LPAR5: variants seen among roughly 807,000 people sequenced by gnomAD.
The protein encoded by LPAR5 is G protein-coupled receptor 92.
For missense variants in LPAR5, 544 were observed against 521.8 expected, an observed-to-expected ratio of 1.04 and a Z score of -0.41; for synonymous variants, 271 against 261.6, an observed-to-expected ratio of 1.04 and a Z score of -0.35.
rs1297764147 is a variant in LPAR5 at position 6,620,275 on chromosome 12, G to C, written c.974C>G (p.Thr325Arg). 6.2e-6 allele frequency: 10 copies of C among 1,606,038 alleles called. No homozygotes were observed. The highest frequency in any genetic ancestry group is 8.5e-6 in the Non-Finnish European group (10 of 1,176,370). The part of the protein sequence containing the change: ...HRARTSATNG[T>R]RAALAQSERS... ...TTCGGATTGCGCGAGCGCCGCCCGC[G>C]TCCCGTTGGTGGCCGAGGTCCTGGC... Residue 325 changes from threonine (T) to arginine (R), a missense_variant, in exon 2 of 2, where the codon ACG becomes AGG. Transcript: ENST00000329858. This position sits in a 1 kb window ranked among gnomAD's most constrained non-coding sequence, Gnocchi z 6.8.
rs1394752365 is a variant in LPAR5 at position 6,625,420 on chromosome 12, C to G, written c.-216-3956G>C. 5.2e-5 allele frequency among the ~76,000 whole-genome samples: 6 copies of G among 115,384 alleles called. No homozygotes were observed. The South Asian group carries it at 1.7e-3, about 34-fold the overall frequency. The allele number at this position is 115,384 out of a possible 152,430, so 75.7% of individuals were successfully genotyped here. A position where few individuals can be genotyped will look rare whatever the true frequency, so the allele number is the denominator to read the frequency against. On this transcript the variant is annotated intron_variant, in intron 1 of 1. Coordinates refer to ENST00000329858, the MANE Select transcript of LPAR5 (RefSeq NM_020400.6). ...AGCCTGGGCAACAGAGACTCCGTCT[C>G]AAAAAAAAAAAAAAAAGAGGGCCGG...
chr12:6,620,647 A>T lies in LPAR5; in HGVS notation c.602T>A (p.Leu201Gln). The stretch of plus-strand genomic sequence containing the variant: ...GTAGACCACCGCCGCCAGGGGCAGC[A>T]GGAAGCCCAGCGCCTCGGCCAGCAG... ...LVLLAEALGF[L>Q]LPLAAVVYSS... is the part of the protein sequence containing the mutation. Residue 201 changes from leucine to glutamine, a missense_variant, in exon 2 of 2, where the codon CTG (leucine) becomes CAG (glutamine). Physicochemically the swap from Leu to Gln is moderately radical, Grantham distance 113. Coordinates refer to ENST00000329858, the MANE Select transcript of LPAR5 (RefSeq NM_020400.6). The surrounding 1 kb of genome is among the most constrained non-coding windows in gnomAD (Gnocchi z 6.8). 2 of 1,555,402 alleles carry T rather than the reference A, an allele frequency of 1.3e-6. No homozygotes were observed. Among genetic ancestry groups the T allele is most frequent in the Non-Finnish European group, 1.7e-6 (2 of 1,150,082 alleles).
rs1270427741 is a variant in LPAR5, at chr12:6,619,256, G to A, written c.*874C>T. On this transcript the variant is annotated 3_prime_UTR_variant, in exon 2 of 2. Transcript: ENST00000329858. ...GAGATCCTCAATTTCTAAGAGTGGG[G>A]TCTGAGACCAAAAAGTTTGAGAACC... 5.9e-5 allele frequency: 9 copies of A among 152,276 alleles called. No homozygotes were observed. The highest frequency in any genetic ancestry group is 2.1e-4 in the South Asian group (1 of 4,824). The allele number at this position is 152,276 out of a possible 1,614,324, so 9.4% of individuals were successfully genotyped here.
chr12:6,634,029 T>TA (rs976962784), intron 1 of LPAR5, among the ~76,000 whole-genome samples: 5 of 151,710 alleles, frequency 3.3e-5, no homozygotes, highest in African/African-American at 1.2e-4. Context: ...TTTTTTGAGA[T>TA]AGAGTCTCGC....
intron 1 of LPAR5, among the ~76,000 whole-genome samples, chr12:6,634,099 G>T (rs1324521244): frequency 6.6e-6 from 1 of 151,926 alleles, no homozygotes; most frequent in South Asian, 2.1e-4. Flanking sequence ...TCCGCCTCCC[G>T]GGTTCAAGGG....
rs941621500 is a variant in LPAR5 at position 6,620,721 on chromosome 12, G to A, written c.528C>T (p.Phe176=). Reference sequence around the variant, plus strand: ...TCCACAGCTCGTCGCTGAAGCTCTCGAAGCATAGGCGCACCTCGAGGTCCC... The same window carrying A: ...TCCACAGCTCGTCGCTGAAGCTCTCAAAGCATAGGCGCACCTCGAGGTCCC... The part of the protein sequence containing the change: ...RYRDLEVRLC[F]ESFSDELWKG... Residue 176 remains phenylalanine (F), a synonymous_variant, in exon 2 of 2, where the codon TTC becomes TTT. Coordinates refer to ENST00000329858, the MANE Select transcript of LPAR5 (RefSeq NM_020400.6). The surrounding 1 kb of genome is among the most constrained non-coding windows in gnomAD (Gnocchi z 6.8). 6.9e-6 allele frequency: 11 copies of A among 1,585,618 alleles called. No individual in the cohort carries two copies. In the Admixed American group the frequency reaches 2.0e-4, roughly 28 times the overall value.
chr12:6,625,459 T>A (rs372696539), intron 1 of LPAR5, among the ~76,000 whole-genome samples: 183 of 130,148 alleles, frequency 1.4e-3, no homozygotes, highest in Non-Finnish European at 2.5e-3. Context: ...CGGTGGCTCA[T>A]GCCTGTAATC....
At position 6,620,420 on chromosome 12, in the gene LPAR5, C is replaced by A; in HGVS notation, c.829G>T (p.Gly277Trp). ...AGCAGCACCATCACCATCAGCACCC[C>A]GCGCACGCGATCGCGGGCAGGCACG... ...ASVPARDRVR[G>W]VLMVMVLLAG... Residue 277 changes from glycine (G) to tryptophan (W), a missense_variant, in exon 2 of 2, where the codon GGG becomes TGG. Coordinates refer to ENST00000329858, the MANE Select transcript of LPAR5 (RefSeq NM_020400.6). This position sits in a 1 kb window ranked among gnomAD's most constrained non-coding sequence, Gnocchi z 6.8. 1 of 1,608,068 alleles carries A rather than the reference C, an allele frequency of 6.2e-7. No individual in the cohort carries two copies. Among genetic ancestry groups the A allele is most frequent in the Non-Finnish European group, 8.5e-7 (1 of 1,177,546 alleles).
At chr12:6,627,003 AT>A (rs151237912) in intron 1 of LPAR5, among the ~76,000 whole-genome samples, 2,974 of 152,354 alleles carry the variant, frequency 0.02, 95 homozygotes, top group African/African-American at 0.065. Context: ...AATGTTAAAA[AT>A]AATAGGTATC....
At chr12:6,625,095 G>A (rs1948924244) in intron 1 of LPAR5, among the ~76,000 whole-genome samples, 1 of 152,082 alleles carries the variant, frequency 6.6e-6, no homozygotes, top group Non-Finnish European at 1.5e-5. Context: ...GAGACCCTGA[G>A]CAATTATCCC....
intron 1 of LPAR5, among the ~76,000 whole-genome samples, chr12:6,630,431 ATCTTTTTTTT>A (rs1948973764): frequency 2.5e-5 from 2 of 80,098 alleles, no homozygotes; most frequent in South Asian, 4.0e-4. Flanking sequence ...CACCCAGCCC[ATCTTTTTTTT>A]TTTTTTTTTT....
intron 1 of LPAR5, among the ~76,000 whole-genome samples, chr12:6,624,277 T>C (rs1035297401): frequency 6.6e-6 from 1 of 152,128 alleles, no homozygotes; most frequent in African/African-American, 2.4e-5. Flanking sequence ...TCCATCGCAC[T>C]CCGGCCTGGG....
intron 1 of LPAR5, among the ~76,000 whole-genome samples, chr12:6,624,363 A>T (rs1010832000): frequency 2.0e-5 from 3 of 151,948 alleles, no homozygotes; most frequent in Non-Finnish European, 4.4e-5. Flanking sequence ...AACCGTCACC[A>T]CTCTCTGTTT....
At chr12:6,621,506 C>T (rs1948895917) in intron 1 of LPAR5, 42 bp from the exon 2 acceptor site, 1 of 379,842 alleles carries the variant, frequency 2.6e-6, no homozygotes, top group Non-Finnish European at 4.9e-6. Context: ...AGAGACAGGG[C>T]TGCACACACA....
rs748788177 is a variant in LPAR5 at position 6,621,208 on chromosome 12, G to A, written c.41C>T (p.Pro14Leu). 1.3e-6 allele frequency: 2 copies of A among 1,536,322 alleles called. No homozygotes were observed. The highest frequency in any genetic ancestry group is 1.3e-5 in the South Asian group (1 of 78,268). ...NSSSTNSSVL[P>L]CPDYRPTHRL... ...GTGGGTAGGTCGGTAGTCAGGACACGGGAGAACAGAACTGTTGGTTGAGGA... is the reference window on the plus strand; with the variant it reads ...GTGGGTAGGTCGGTAGTCAGGACACAGGAGAACAGAACTGTTGGTTGAGGA... Residue 14 changes from proline to leucine, a missense_variant, in exon 2 of 2, where the codon CCG (proline) becomes CTG (leucine). By Grantham distance (98) the Pro-to-Leu change is moderately conservative (BLOSUM62 -3). Coordinates refer to ENST00000329858, the MANE Select transcript of LPAR5 (RefSeq NM_020400.6).
chr12:6,632,959 C>T (rs1948989779), intron 1 of LPAR5, among the ~76,000 whole-genome samples: 1 of 152,144 alleles, frequency 6.6e-6, no homozygotes, highest in Non-Finnish European at 1.5e-5. Flanking sequence ...AATTCCTGCT[C>T]CTGCCTTTCC....
intron 1 of LPAR5, among the ~76,000 whole-genome samples, chr12:6,626,401 C>G (rs1017614123): frequency 2.0e-5 from 3 of 152,354 alleles, no homozygotes; most frequent in East Asian, 3.9e-4. Flanking sequence ...GCATGAGCCA[C>G]TGTACCTGGC....
At position 6,620,465 on chromosome 12, in the gene LPAR5, T is replaced by C; in HGVS notation, c.784A>G (p.Ser262Gly). 1 of 1,591,218 alleles carries C rather than the reference T, an allele frequency of 6.3e-7. No individual in the cohort carries two copies. The highest frequency in any genetic ancestry group is 8.6e-7 in the Non-Finnish European group (1 of 1,169,124). ...STLAVYGLLR[S>G]KLVAASVPAR... ...GGCACGCTGGCCGCCACCAGCTTGC[T>C]CCGCAGCAGCCCGTAGACCGCCAGC... The change falls in exon 2 of 2, where the codon AGC (serine) becomes GGC (glycine). Residue 262 changes from serine (S) to glycine (G), a missense_variant. Coordinates refer to ENST00000329858, the MANE Select transcript of LPAR5 (RefSeq NM_020400.6). This position sits in a 1 kb window ranked among gnomAD's most constrained non-coding sequence, Gnocchi z 6.8.
chr12:6,628,554 G>A (rs138928450), intron 1 of LPAR5, among the ~76,000 whole-genome samples: 2,611 of 151,834 alleles, frequency 0.017, 94 homozygotes, highest in African/African-American at 0.06. Flanking sequence ...TCCGCCTCCC[G>A]GGTTCAAGTG....
Sources: gnomAD v4.1 joint callset for allele counts (sites outside exome capture counted in the v4.1 genomes callset) on GRCh38, gnomAD v4.1.1 for gene constraint, Gnocchi (gnomAD v3.1) non-coding constraint, MANE v1.5 for transcripts, NCBI Gene and HGNC (gene_info 2026-07-23, HGNC 2026-07-21) for gene names.